EPHA10: variants seen among roughly 807,000 people sequenced by gnomAD.
EPHA10 encodes EPH receptor A10, also known as ephrin type-A receptor 10.
Under a neutral mutation model 109.7 loss-of-function variants are expected in EPHA10, and 120 were observed. That is an observed-to-expected ratio of 1.09 (90% CI 0.94 to 1.27). EPHA10 has a LOEUF of 1.27. Among genes scored for constraint, EPHA10 ranks in the 50% most tolerant of loss-of-function variants. The pLI, the probability that EPHA10 is intolerant of heterozygous loss-of-function variation, is 0.00. For synonymous variants in EPHA10, 640 were observed against 618.9 expected (o/e 1.03, Z -0.51); for missense variants, 1,396 against 1,411.1 (o/e 0.99, Z 0.17).
chr1:37,761,111 C>A, intron 3 of EPHA10: 371 of 1,012,154 alleles, frequency 3.7e-4, no homozygotes, highest in Middle Eastern at 7.2e-4. Context: ...AAAACAATGA[C>A]TTCCTTTATT....
At chr1:37,737,781 A>T (rs1646091690) in intron 5 of EPHA10, among the ~76,000 whole-genome samples, 1 of 152,206 alleles carries the variant, frequency 6.6e-6, no homozygotes, top group Non-Finnish European at 1.5e-5. Flanking sequence ...AAACTTTAAA[A>T]CTTCTGCAGG....
chr1:37,752,919 C>T lies in EPHA10; in HGVS notation c.1314G>A (p.Ala438=), dbSNP rs1047030279. The change falls in exon 5 of 17, where the codon GCG becomes GCA. Residue 438 remains alanine, a synonymous_variant. Transcript: ENST00000373048. ...CGGTGACCTGCGCGTAGGTGGTTCC[C>T]GCGGCGGCCGCCGGGCCCGAGACGC... ...LNGVSGPAAA[A]GTTYAQVTVS... 3 of 1,309,638 alleles carry T rather than the reference C, an allele frequency of 2.3e-6. No homozygotes were observed. Among genetic ancestry groups the T allele is most frequent in the African/African-American group, 1.5e-5 (1 of 64,538 alleles). The allele number at this position is 1,309,638 out of a possible 1,614,324, so 81.1% of individuals were successfully genotyped here. A position where few individuals can be genotyped will look rare whatever the true frequency, so the allele number is the denominator to read the frequency against.
intron 5 of EPHA10, among the ~76,000 whole-genome samples, chr1:37,751,880 A>T (rs1320933089): frequency 1.3e-5 from 2 of 152,070 alleles, no homozygotes; most frequent in African/African-American, 2.4e-5. Flanking sequence ...TCAAAAAAAA[A>T]AAAAATTATT....
rs1419140453 is a variant in EPHA10, at chr1:37,717,701, C to T, written c.*671G>A. On this transcript the variant is annotated 3_prime_UTR_variant, in exon 17 of 17. Coordinates refer to ENST00000373048, the MANE Select transcript of EPHA10 (RefSeq NM_001099439.2). ...GCCCGGCCTGGCCAGGACTTTTGGC[C>T]TCACCCTGAACTGTCAGCCCAAGGC... 1 of 231,452 alleles carries T rather than the reference C, an allele frequency of 4.3e-6. No homozygotes were observed. The highest frequency in any genetic ancestry group is 5.6e-5 in the Admixed American group (1 of 17,706). 14.3% of individuals were successfully genotyped at this position (231,452 alleles called of 1,614,324 possible).
Position 37,730,109 on chromosome 1 carries a change from C to T in EPHA10, c.1663+1302G>A, listed in dbSNP as rs201917637. On this transcript the variant is annotated intron_variant, in intron 7 of 16. Transcript: ENST00000373048. ...TGCCCGCCTTTGTTCAGATAGCTTC[C>T]TCTCCCCAGAATGCCTCCCTGCCCA... 3.3e-5 allele frequency among the ~76,000 whole-genome samples: 5 copies of T among 152,268 alleles called. No individual in the cohort carries two copies. In the East Asian group the frequency reaches 7.7e-4, roughly 24 times the overall value.
chr1:37,744,041 A>AAAATAAAAGCAAGTCATCTGG (rs1157109630), intron 5 of EPHA10, among the ~76,000 whole-genome samples: 1 of 152,214 alleles, frequency 6.6e-6, no homozygotes, highest in Non-Finnish European at 1.5e-5. Context: ...AAAGACAAAC[A>AAAATAAAAGCAAGTCATCTGG]AAATAAAAGC....
At chr1:37,739,670 T>TA (rs1268104418) in intron 5 of EPHA10, among the ~76,000 whole-genome samples, 8 of 117,144 alleles carry the variant, frequency 6.8e-5, no homozygotes, top group Non-Finnish European at 9.7e-5. Context: ...GCCTGGTTGA[T>TA]AGAGTGAGAC....
chr1:37,763,665 AG>A lies in EPHA10; in HGVS notation c.107-817del, dbSNP rs1646452237. On this transcript the variant is annotated intron_variant, in intron 1 of 16. Coordinates refer to ENST00000373048, the MANE Select transcript of EPHA10 (RefSeq NM_001099439.2). ...AAAATTATAGCTAAGAGTCAATTAG[AG>A]AGAGAGAGAGAGAGAAAGTGAGTAG... 9.7e-5 allele frequency among the ~76,000 whole-genome samples: 3 copies of A among 31,074 alleles called. No homozygotes were observed. The South Asian group carries it at 4.5e-3, about 47-fold the overall frequency. The allele number at this position is 31,074 out of a possible 152,430, so 20.4% of individuals were successfully genotyped here. A position where few individuals can be genotyped will look rare whatever the true frequency, so the allele number is the denominator to read the frequency against.
At chr1:37,741,864 G>C (rs999384984) in intron 5 of EPHA10, among the ~76,000 whole-genome samples, 9 of 151,934 alleles carry the variant, frequency 5.9e-5, no homozygotes, top group Non-Finnish European at 1.3e-4. Context: ...CCCCGGGGGC[G>C]CTTCTCAGCC....
intron 5 of EPHA10, among the ~76,000 whole-genome samples, chr1:37,744,510 A>T (rs1646202245): frequency 6.6e-6 from 1 of 151,982 alleles, no homozygotes; most frequent in East Asian, 1.9e-4. Flanking sequence ...AAAAAAAAAA[A>T]ATAGCTGGAT....
intron 7 of EPHA10, among the ~76,000 whole-genome samples, chr1:37,727,790 A>C (rs544817153): frequency 4.6e-5 from 7 of 152,316 alleles, no homozygotes; most frequent in African/African-American, 1.7e-4. Flanking sequence ...CTAAGATTTG[A>C]GCATCACTCC....
chr1:37,754,208 G>C lies in EPHA10; in HGVS notation c.1006+7C>G. The C allele has an allele frequency of 7.8e-7, 1 of 1,288,270 alleles. No individual in the cohort carries two copies. Among genetic ancestry groups the C allele is most frequent in the South Asian group, 2.8e-5 (1 of 35,232 alleles). 79.8% of individuals were successfully genotyped at this position (1,288,270 alleles called of 1,614,324 possible). On this transcript the variant is annotated splice_region_variant and intron_variant, in intron 4 of 16. Coordinates refer to ENST00000373048, the MANE Select transcript of EPHA10 (RefSeq NM_001099439.2). This position sits in a 1 kb window ranked among gnomAD's most constrained non-coding sequence, Gnocchi z 4.5. ...CCTCCGCAGTGCAGCCTGGAGGGGG[G>C]ACTCACGGGTGCAGGAAGCCGAGGG...
At chr1:37,715,022 G>A (rs115933125), downstream of EPHA10, 2,617 of 152,348 alleles carry the variant, frequency 0.017, 39 homozygotes, top group Non-Finnish European at 0.029. Context: ...TCTTTCACTT[G>A]ATTTCTCTGT....
In EPHA10 at chr1:37,760,231, T is replaced by C. The variant is rs556709044; in HGVS notation, c.850+1174A>G. 1.1e-4 allele frequency: 109 copies of C among 999,550 alleles called. No individual in the cohort carries two copies. The African/African-American group carries it at 1.8e-3, about 17-fold the overall frequency. 61.9% of individuals were successfully genotyped at this position (999,550 alleles called of 1,614,324 possible). On this transcript the variant is annotated intron_variant, in intron 3 of 16. Coordinates refer to ENST00000373048, the MANE Select transcript of EPHA10 (RefSeq NM_001099439.2). ...GCTTCTTGAGAGCTAGGACTATGTC[T>C]GACTCATTTCTGTTGCCCTGGCACC...
Position 37,764,910 on chromosome 1 carries a change from C to T in EPHA10, c.106+51G>A. The T allele has an allele frequency of 6.6e-7, 1 of 1,519,424 alleles. No individual in the cohort carries two copies. The highest frequency in any genetic ancestry group is 1.2e-5 in the South Asian group (1 of 84,126). The allele number at this position is 1,519,424 out of a possible 1,614,324, so 94.1% of individuals were successfully genotyped here. A position where few individuals can be genotyped will look rare whatever the true frequency, so the allele number is the denominator to read the frequency against. ...TCCCCCAGAACCCCCATCGCCAGCC[C>T]CCTATCTTTTGGTATGCCACGCTCC... On this transcript the variant is annotated intron_variant, in intron 1 of 16. Transcript: ENST00000373048. This position sits in a 1 kb window ranked among gnomAD's most constrained non-coding sequence, Gnocchi z 5.8.
At position 37,719,988 on chromosome 1, in the gene EPHA10, T is replaced by C; in HGVS notation, c.2483A>G (p.Asp828Gly). ...LQFGHFSSASDVWSFGIIMWE... is the reference protein window; with the variant it reads ...LQFGHFSSASGVWSFGIIMWE... ...CATGATGATGCCGAAGCTCCACACG[T>C]CACTGGCAGAGCTGAAGTGGCCAAA... is the stretch of plus-strand genomic sequence containing the variant. The change falls in exon 14 of 17, where the codon GAC (aspartate) becomes GGC (glycine). Residue 828 changes from aspartate to glycine, a missense_variant. Physicochemically the swap from Asp to Gly is moderately conservative, Grantham distance 94. Coordinates refer to ENST00000373048, the MANE Select transcript of EPHA10 (RefSeq NM_001099439.2). The C allele has an allele frequency of 6.2e-7, 1 of 1,614,024 alleles. No homozygotes were observed. Among genetic ancestry groups the C allele is most frequent in the South Asian group, 1.1e-5 (1 of 91,078 alleles).
intron 5 of EPHA10, among the ~76,000 whole-genome samples, chr1:37,740,056 A>G (rs935755921): frequency 2.0e-5 from 3 of 152,178 alleles, no homozygotes; most frequent in Admixed American, 1.3e-4. Flanking sequence ...AGCCTAAGCA[A>G]TACAGCAAGA....
At chr1:37,728,654 G>C (rs1410390399) in intron 7 of EPHA10, among the ~76,000 whole-genome samples, 2 of 152,160 alleles carry the variant, frequency 1.3e-5, no homozygotes, top group African/African-American at 4.8e-5. Flanking sequence ...ATAGAGATGG[G>C]TGTGGGGCCA....
intron 5 of EPHA10, among the ~76,000 whole-genome samples, chr1:37,748,850 A>G (rs1646278825): frequency 6.6e-6 from 1 of 151,764 alleles, no homozygotes; most frequent in African/African-American, 2.4e-5. Flanking sequence ...GATTAAAGGC[A>G]CAGGGCTTTG....
Sources: allele counts gnomAD v4.1 joint callset (sites outside exome capture counted in the v4.1 genomes callset), GRCh38; gene constraint gnomAD v4.1.1; non-coding constraint Gnocchi (gnomAD v3.1); transcripts MANE v1.5; gene names NCBI Gene and HGNC (gene_info 2026-07-23, HGNC 2026-07-21).